Variants in LMBR1 observed in about 807,000 individuals in gnomAD.
LMBR1 encodes limb development membrane protein 1.
In LMBR1, 52 loss-of-function variants were observed where a neutral mutation model predicts 73.9. That is an observed-to-expected ratio of 0.70 (90% CI 0.56 to 0.89). The LOEUF (loss-of-function observed/expected upper bound fraction) is 0.89. LMBR1 is among the 40% of genes least tolerant of loss of function. LMBR1 has a pLI of 0.00. For missense variants in LMBR1, 539 were observed against 579.8 expected (o/e 0.93, Z 0.72); for synonymous variants, 215 against 209.4 (o/e 1.03, Z -0.23).
intron 9 of LMBR1, among the ~76,000 whole-genome samples, chr7:156,739,119 G>A (rs1192094677): frequency 7.9e-5 from 12 of 151,694 alleles, no homozygotes; most frequent in Admixed American, 7.9e-4. Context: ...TGAGTCCCAG[G>A]CCTGGCAACA....
chr7:156,731,155 G>T (rs1816763076), intron 10 of LMBR1, among the ~76,000 whole-genome samples: 1 of 151,998 alleles, frequency 6.6e-6, no homozygotes, highest in Admixed American at 6.5e-5. Flanking sequence ...CTAAAGTGAA[G>T]AATTCAATAG....
intron 4 of LMBR1, among the ~76,000 whole-genome samples, chr7:156,802,373 C>T (rs936303583): frequency 2.2e-4 from 33 of 152,224 alleles, no homozygotes; most frequent in Admixed American, 1.6e-3. Flanking sequence ...TATATTTCTA[C>T]ACCTCATTTT....
intron 15 of LMBR1, among the ~76,000 whole-genome samples, chr7:156,698,047 C>T (rs150018703): frequency 6.6e-6 from 1 of 152,144 alleles, no homozygotes; most frequent in African/African-American, 2.4e-5. Flanking sequence ...ACAGCCATTC[C>T]AAACAGGAGA....
chr7:156,673,628 C>A (rs1803095784), downstream of LMBR1, among the ~76,000 whole-genome samples: 2 of 152,150 alleles, frequency 1.3e-5, no homozygotes, highest in South Asian at 4.1e-4. Flanking sequence ...TCCTCAGCCA[C>A]CCCCTTCATT....
At chr7:156,848,960 A>G (rs1024840494) in intron 1 of LMBR1, among the ~76,000 whole-genome samples, 17 of 151,820 alleles carry the variant, frequency 1.1e-4, no homozygotes. Flanking sequence ...AAACAAAACA[A>G]AACAAAAACA....
chr7:156,742,709 T>C (rs1473343053), intron 9 of LMBR1, among the ~76,000 whole-genome samples: 1 of 152,094 alleles, frequency 6.6e-6, no homozygotes. Context: ...ACCAATCCTA[T>C]TCAAACTACT....
At chr7:156,675,699 A>G, downstream of LMBR1, 1 of 1,609,856 alleles carries the variant, frequency 6.2e-7, no homozygotes, top group Non-Finnish European at 8.5e-7. Flanking sequence ...TCCTCAGTTC[A>G]CAGAAATCAG....
At chr7:156,798,916 G>A (rs957101776) in intron 4 of LMBR1, among the ~76,000 whole-genome samples, 2 of 151,824 alleles carry the variant, frequency 1.3e-5, no homozygotes, top group African/African-American at 4.8e-5. Context: ...TCTACTGGCC[G>A]GGCATGGTGG....
chr7:156,676,374 G>T, downstream of LMBR1: 1 of 1,613,904 alleles, frequency 6.2e-7, no homozygotes, highest in African/African-American at 1.3e-5. Flanking sequence ...TTTCTGCTGT[G>T]ATGAAACTAA....
chr7:156,727,877 T>C, intron 12 of LMBR1, 53 bp downstream of exon 12: 2 of 1,230,926 alleles, frequency 1.6e-6, no homozygotes, highest in Non-Finnish European at 1.2e-6. Flanking sequence ...ACTCAGGGTA[T>C]AGACATAGAA....
Position 156,700,557 on chromosome 7 carries a change from A to T in LMBR1, c.1226-12366T>A, listed in dbSNP as rs148256438. 9.9e-3 allele frequency among the ~76,000 whole-genome samples: 1,511 copies of T among 151,864 alleles called. 22 individuals carry two copies. The highest frequency in any genetic ancestry group is 0.079 in the South Asian group (379 of 4,800). On this transcript the variant is annotated intron_variant, in intron 15 of 16. Coordinates refer to ENST00000353442, the MANE Select transcript of LMBR1 (RefSeq NM_022458.4). ...TTAAAGTATAATAATAATAAAATTTAAAAAAAAATCATCTTTGCTCCAGTT... is the reference window on the plus strand; with the variant it reads ...TTAAAGTATAATAATAATAAAATTTTAAAAAAAATCATCTTTGCTCCAGTT...
chr7:156,852,571 G>A (rs1484196746), intron 1 of LMBR1, among the ~76,000 whole-genome samples: 4 of 152,096 alleles, frequency 2.6e-5, no homozygotes, highest in African/African-American at 9.7e-5. Flanking sequence ...GGAGTTTTAC[G>A]TTATTTGGAA....
At chr7:156,671,292 T>C (rs1802444661) in intron 4 of LMBR1, among the ~76,000 whole-genome samples, 1 of 152,328 alleles carries the variant, frequency 6.6e-6, no homozygotes, top group African/African-American at 2.4e-5. Context: ...AGATTATGTA[T>C]GTGTTACTCA....
In LMBR1 at chr7:156,888,922, C is replaced by T. The variant is rs141057891; in HGVS notation, c.66+4006G>A. Among the ~76,000 whole-genome samples, 795 of 152,066 alleles carry T rather than the reference C, an allele frequency of 5.2e-3. 7 individuals carry two copies. Among genetic ancestry groups the T allele is most frequent in the Non-Finnish European group, 7.0e-3 (474 of 67,976 alleles). ...TACAAAAATTAGCCAAGTGCGGTGG[C>T]GCATGCCTGTAATCCCAGCTACTCG... On this transcript the variant is annotated intron_variant, in intron 1 of 16. Coordinates refer to ENST00000353442, the MANE Select transcript of LMBR1 (RefSeq NM_022458.4).
Position 156,680,641 on chromosome 7 carries a change from T to C in LMBR1, c.*3437A>G, listed in dbSNP as rs1190403434. On this transcript the variant is annotated 3_prime_UTR_variant, in exon 17 of 17. Transcript: ENST00000353442. ...AAGTAATTAAATAAAATACATGCTA[T>C]CAATTATTGATGCTACATTGTGGGT... 1 of 153,104 alleles carries C rather than the reference T, an allele frequency of 6.5e-6. No individual in the cohort carries two copies. The highest frequency in any genetic ancestry group is 1.5e-5 in the Non-Finnish European group (1 of 68,720). 9.5% of individuals were successfully genotyped at this position (153,104 alleles called of 1,614,324 possible). A position where few individuals can be genotyped will look rare whatever the true frequency, so the allele number is the denominator to read the frequency against.
chr7:156,771,511 T>C (rs759864378), intron 5 of LMBR1, among the ~76,000 whole-genome samples: 31 of 152,052 alleles, frequency 2.0e-4, no homozygotes, highest in Non-Finnish European at 3.1e-4. Context: ...CCGGGAAACA[T>C]ACAGCCTCCC....
intron 9 of LMBR1, among the ~76,000 whole-genome samples, chr7:156,746,228 A>G (rs775456973): frequency 6.6e-6 from 1 of 152,220 alleles, no homozygotes; most frequent in African/African-American, 2.4e-5. Context: ...TTTAACTTGT[A>G]TATCTCATTG....
intron 1 of LMBR1, among the ~76,000 whole-genome samples, chr7:156,861,548 G>A (rs1390373638): frequency 6.6e-6 from 1 of 152,176 alleles, no homozygotes; most frequent in Non-Finnish European, 1.5e-5. Context: ...AATTTCTGCA[G>A]CCAGCTTGAA....
In LMBR1 at chr7:156,892,091, C is replaced by A. The variant is rs117742415; in HGVS notation, c.66+837G>T. ...GAGCATCATGAAAAGATAAAAACAT[C>A]AAAGTAGACTTTCCAAGGTCAAGTC... is the stretch of plus-strand genomic sequence containing the variant. On this transcript the variant is annotated intron_variant, in intron 1 of 16. Coordinates refer to ENST00000353442, the MANE Select transcript of LMBR1 (RefSeq NM_022458.4). Among the ~76,000 whole-genome samples, 455 of 152,334 alleles carry A rather than the reference C, an allele frequency of 3.0e-3. 1 individual carries two copies. Among genetic ancestry groups the A allele is most frequent in the Non-Finnish European group, 5.2e-3 (351 of 68,022 alleles).
Sources: gnomAD v4.1 joint callset for allele counts (sites outside exome capture counted in the v4.1 genomes callset) on GRCh38, gnomAD v4.1.1 for gene constraint, MANE v1.5 for transcripts, NCBI Gene and HGNC (gene_info 2026-07-23, HGNC 2026-07-21) for gene names.